Variants in EYS observed in about 807,000 individuals in gnomAD.
EYS encodes protein eyes shut homolog.
In EYS, 250 loss-of-function variants were observed where a neutral mutation model predicts 282.1. That is an observed-to-expected ratio of 0.89 (90% confidence interval 0.80 to 0.98). The LOEUF (loss-of-function observed/expected upper bound fraction) is 0.98, where lower values mean the gene tolerates loss of function less well. Ranked by LOEUF, EYS falls within the 50% of genes least tolerant of loss-of-function variation. EYS has a pLI of 0.00. For synonymous variants in EYS, 1,355 were observed against 1,282.9 expected (o/e 1.06, Z -1.20); for missense variants, 4,016 against 3,709.0 (o/e 1.08, Z -2.15).
chr6:64,994,482 C>T (rs1771180351), intron 14 of EYS, among the ~76,000 whole-genome samples: 1 of 152,048 alleles, frequency 6.6e-6, no homozygotes, highest in Non-Finnish European at 1.5e-5. Context: ...CAGTCCAGCT[C>T]ATACAACAAG....
rs1442724523 is a variant in EYS, at chr6:64,436,351, A to ATCACTTTGGAGAGAC, written c.5836-87_5836-86insGTCTCTCCAAAGTGA. The ATCACTTTGGAGAGAC allele has an allele frequency of 1.6e-4, 115 of 699,964 alleles. 1 individual carries two copies. In the East Asian group the frequency reaches 3.1e-3, roughly 19 times the overall value. 43.4% of individuals were successfully genotyped at this position (699,964 alleles called of 1,614,324 possible). ...TTTGCACTGGACTTTATTATTTATC[A>ATCACTTTGGAGAGAC]ATATATTTTACATCACTTTGGAGAG... On this transcript the variant is annotated intron_variant, in intron 27 of 42. Coordinates refer to ENST00000503581, the MANE Select transcript of EYS (RefSeq NM_001142800.2).
At chr6:65,121,453 A>C (rs538456545) in intron 12 of EYS, among the ~76,000 whole-genome samples, 2 of 152,116 alleles carry the variant, frequency 1.3e-5, no homozygotes, top group Non-Finnish European at 2.9e-5. Flanking sequence ...ATTATTACTA[A>C]ATTTTCATGT....
intron 19 of EYS, among the ~76,000 whole-genome samples, chr6:64,875,997 A>C (rs896184953): frequency 1.3e-5 from 2 of 152,066 alleles, no homozygotes; most frequent in Non-Finnish European, 2.9e-5. Flanking sequence ...CACCAATGAT[A>C]AAGTTACTTG....
At chr6:65,175,638 A>G (rs1189880908) in intron 12 of EYS, among the ~76,000 whole-genome samples, 1 of 151,548 alleles carries the variant, frequency 6.6e-6, no homozygotes, top group Non-Finnish European at 1.5e-5. Context: ...ATATGAATAA[A>G]CAGGTATAAG....
chr6:64,757,130 T>C (rs994152577), intron 22 of EYS, among the ~76,000 whole-genome samples: 6 of 152,200 alleles, frequency 3.9e-5, no homozygotes, highest in African/African-American at 1.4e-4. Context: ...CCTTACCTCT[T>C]ATTCACATTT....
At chr6:65,577,744 C>T (rs893327815) in intron 2 of EYS, among the ~76,000 whole-genome samples, 2 of 95,350 alleles carry the variant, frequency 2.1e-5, no homozygotes, top group African/African-American at 7.9e-5. Context: ...TAATAAAAGC[C>T]TGTTTTAAAA....
At chr6:65,087,966 G>T (rs1581898050) in intron 12 of EYS, among the ~76,000 whole-genome samples, 1 of 152,074 alleles carries the variant, frequency 6.6e-6, no homozygotes, top group Non-Finnish European at 1.5e-5. Flanking sequence ...GGGGAGTCTT[G>T]TGAGATCTGA....
chr6:63,858,368 C>G (rs1772446856), intron 36 of EYS, among the ~76,000 whole-genome samples: 1 of 152,134 alleles, frequency 6.6e-6, no homozygotes, highest in Non-Finnish European at 1.5e-5. Flanking sequence ...CCCATCAAAG[C>G]TATTTTTTAA....
intron 26 of EYS, among the ~76,000 whole-genome samples, chr6:64,535,832 T>C (rs570054683): frequency 1.3e-5 from 2 of 152,304 alleles, no homozygotes; most frequent in Non-Finnish European, 2.9e-5. Context: ...GAGTATGCTA[T>C]CTTAAGTAGT....
intron 26 of EYS, among the ~76,000 whole-genome samples, chr6:64,513,969 G>T (rs1777485566): frequency 6.6e-6 from 1 of 151,816 alleles, no homozygotes; most frequent in Non-Finnish European, 1.5e-5. Context: ...ACAAGAAAGT[G>T]TAGCATGAAT....
chr6:64,933,708 C>T (rs981452467), intron 15 of EYS, among the ~76,000 whole-genome samples: 1 of 152,008 alleles, frequency 6.6e-6, no homozygotes, highest in African/African-American at 2.4e-5. Flanking sequence ...ACACTGTTCA[C>T]AAAGCAAAGA....
chr6:63,770,292 T>C (rs563674774), intron 40 of EYS, among the ~76,000 whole-genome samples: 2 of 152,136 alleles, frequency 1.3e-5, no homozygotes, highest in South Asian at 4.1e-4. Flanking sequence ...ACCTATCAAA[T>C]ATGGATTTTG....
chr6:64,699,983 A>T (rs776435596), intron 22 of EYS, among the ~76,000 whole-genome samples: 6 of 152,066 alleles, frequency 3.9e-5, no homozygotes, highest in Non-Finnish European at 8.8e-5. Flanking sequence ...AAAAATCCCC[A>T]CCAAAAAACT....
rs1394114017 is a variant in EYS, at chr6:65,296,088, A to G, written c.1798T>C (p.Leu600=). Residue 600 remains leucine (L), a synonymous_variant, in exon 12 of 43, where the codon TTG becomes CTG. Coordinates refer to ENST00000503581, the MANE Select transcript of EYS (RefSeq NM_001142800.2). ...CAATAGTCAACATTGACAACACACA[A>G]TCTGCCAATGTAACTAAGAGAACAG... is the stretch of plus-strand genomic sequence containing the variant. ...CSCSLSYIGR[L]CVVNVDYCLG... The G allele has an allele frequency of 1.1e-5, 17 of 1,549,972 alleles. No individual in the cohort carries two copies. The highest frequency in any genetic ancestry group is 5.9e-5 in the Admixed American group (3 of 50,770).
chr6:65,676,057 C>A (rs150887185), intron 1 of EYS, among the ~76,000 whole-genome samples: 6 of 151,456 alleles, frequency 4.0e-5, no homozygotes, highest in African/African-American at 1.5e-4. Flanking sequence ...CCTAACATAC[C>A]AAAATTTATG....
chr6:64,598,984 G>T (rs1362690708), intron 24 of EYS, among the ~76,000 whole-genome samples: 1 of 152,150 alleles, frequency 6.6e-6, no homozygotes. Flanking sequence ...AGGCCTGCGG[G>T]CAGGAAAATG....
intron 2 of EYS, among the ~76,000 whole-genome samples, chr6:65,562,472 A>G (rs1031042592): frequency 6.6e-6 from 1 of 152,052 alleles, no homozygotes; most frequent in Non-Finnish European, 1.5e-5. Flanking sequence ...GACAGAATGG[A>G]AAGAATGAAA....
intron 41 of EYS, among the ~76,000 whole-genome samples, chr6:63,756,358 G>T (rs1769483789): frequency 6.6e-6 from 1 of 152,140 alleles, no homozygotes; most frequent in Admixed American, 6.5e-5. Context: ...TTTGTCAAAG[G>T]CCTTTTCTGC....
intron 14 of EYS, among the ~76,000 whole-genome samples, chr6:64,950,938 C>A (rs915837163): frequency 1.3e-5 from 2 of 150,178 alleles, no homozygotes; most frequent in Non-Finnish European, 3.0e-5. Flanking sequence ...CTTTTCAAAC[C>A]AGGACATCTG....
Sources: allele counts gnomAD v4.1 joint callset (sites outside exome capture counted in the v4.1 genomes callset), GRCh38; gene constraint gnomAD v4.1.1; transcripts MANE v1.5; gene names NCBI Gene and HGNC (gene_info 2026-07-23, HGNC 2026-07-21).